AHI1: variants seen among roughly 807,000 people sequenced by gnomAD.
AHI1 encodes the protein jouberin.
A neutral mutation model predicts 149.3 loss-of-function variants in AHI1; 123 were observed. That is an observed-to-expected ratio of 0.82 (90% CI 0.71 to 0.96). The LOEUF is 0.96. Among genes scored for constraint, AHI1 ranks in the 40% least tolerant of loss-of-function variants. The probability of loss-of-function intolerance (pLI) is 0.00; values close to 1 mark genes in which losing one functional copy is unlikely to be tolerated. For missense variants in AHI1, 1,439 were observed against 1,422.7 expected (o/e 1.01, Z -0.18); for synonymous variants, 475 against 459.8 (o/e 1.03, Z -0.42).
chr6:135,401,626 T>C (rs1028536331), intron 22 of AHI1, among the ~76,000 whole-genome samples: 2 of 152,222 alleles, frequency 1.3e-5, no homozygotes, highest in African/African-American at 2.4e-5. Flanking sequence ...CTGAGACAAC[T>C]GGATAGCCTC....
chr6:135,352,745 T>TAC (rs1458162087), intron 24 of AHI1, among the ~76,000 whole-genome samples: 7 of 148,446 alleles, frequency 4.7e-5, no homozygotes, highest in African/African-American at 1.7e-4. Flanking sequence ...ACAATATATA[T>TAC]ACACACACAT....
chr6:135,497,402 G>T (rs1014006100), intron 1 of AHI1, among the ~76,000 whole-genome samples, 153 bp from the exon 2 acceptor site: 4 of 152,292 alleles, frequency 2.6e-5, no homozygotes, highest in Admixed American at 2.6e-4. Context: ...GCAAAAGTAC[G>T]GTGAGGACTC....
At chr6:135,388,092 T>C in intron 23 of AHI1, 1 of 1,577,760 alleles carries the variant, frequency 6.3e-7, no homozygotes, top group Non-Finnish European at 8.7e-7. Context: ...TGATTCTTTT[T>C]AGTACCATAA....
Position 135,492,870 on chromosome 6 carries a change from A to G in AHI1, c.-54-579T>C, listed in dbSNP as rs997187984. ...CATGGTTCAACTCAGTATGTATATT[A>G]CTAAATTGCCCATTTTATTAAAAAA... On this transcript the variant is annotated intron_variant, in intron 3 of 28. Coordinates refer to ENST00000265602, the MANE Select transcript of AHI1 (RefSeq NM_001134831.2). The G allele has an allele frequency of 3.0e-5, 30 of 985,174 alleles. No individual in the cohort carries two copies. In the African/African-American group the frequency reaches 5.2e-4, roughly 17 times the overall value. 61.0% of individuals were successfully genotyped at this position (985,174 alleles called of 1,614,324 possible).
intron 5 of AHI1, among the ~76,000 whole-genome samples, chr6:135,481,571 C>A (rs531425388): frequency 3.4e-4 from 51 of 151,926 alleles, no homozygotes; most frequent in Non-Finnish European, 4.3e-4. Flanking sequence ...ATTAAAAAAA[C>A]CTAATTATTC....
intron 14 of AHI1, among the ~76,000 whole-genome samples, chr6:135,439,172 T>C (rs1314325454): frequency 1.3e-5 from 2 of 152,226 alleles, no homozygotes; most frequent in Non-Finnish European, 2.9e-5. Flanking sequence ...CCCCCTTATG[T>C]GCAGTTTCAC....
intron 5 of AHI1, among the ~76,000 whole-genome samples, chr6:135,471,884 C>T (rs1791764775): frequency 1.3e-5 from 2 of 151,552 alleles, no homozygotes; most frequent in Admixed American, 6.6e-5. Context: ...CGGTGGCGGG[C>T]ACCTGTAGTC....
At chr6:135,411,595 C>G in intron 20 of AHI1, 51 bp from the exon 21 acceptor site, 1 of 1,442,954 alleles carries the variant, frequency 6.9e-7, no homozygotes, top group Admixed American at 2.3e-5. Context: ...AAAGCATAAT[C>G]AAGCCCTAAA....
chr6:135,345,148 A>T (rs1250358490), intron 24 of AHI1, among the ~76,000 whole-genome samples: 1 of 152,212 alleles, frequency 6.6e-6, no homozygotes, highest in Non-Finnish European at 1.5e-5. Context: ...CTTCCTATCC[A>T]CTAGGACAGC....
intron 28 of AHI1, among the ~76,000 whole-genome samples, chr6:135,288,661 C>T (rs559970680): frequency 6.6e-6 from 1 of 151,720 alleles, no homozygotes; most frequent in South Asian, 2.1e-4. Context: ...GATGAATAAC[C>T]ATATGATATT....
intron 22 of AHI1, among the ~76,000 whole-genome samples, chr6:135,403,962 C>T (rs764407175): frequency 1.3e-5 from 2 of 151,266 alleles, no homozygotes; most frequent in African/African-American, 2.4e-5. Context: ...ATCAGGAAAG[C>T]GACAATAGCC....
chr6:135,474,324 A>G (rs898630754), intron 5 of AHI1, among the ~76,000 whole-genome samples: 10 of 152,182 alleles, frequency 6.6e-5, no homozygotes, highest in Middle Eastern at 3.2e-3. Flanking sequence ...ATGCCTGTAA[A>G]AATTGCATTA....
At chr6:135,329,885 C>G (rs1274574029) in intron 24 of AHI1, among the ~76,000 whole-genome samples, 1 of 152,138 alleles carries the variant, frequency 6.6e-6, no homozygotes, top group Non-Finnish European at 1.5e-5. Flanking sequence ...ATGGATGACT[C>G]TGAGGGTTTT....
At chr6:135,490,164 G>A in intron 5 of AHI1, 1 of 720,312 alleles carries the variant, frequency 1.4e-6, no homozygotes, top group South Asian at 1.5e-5. Context: ...TCTATCATTT[G>A]AAAGTGTGCC....
At chr6:135,298,000 G>A (rs1783353150) in intron 27 of AHI1, among the ~76,000 whole-genome samples, 1 of 151,946 alleles carries the variant, frequency 6.6e-6, no homozygotes, top group African/African-American at 2.4e-5. Context: ...TCTGAACAAA[G>A]CTGTTAATGA....
chr6:135,443,517 G>A (rs145259681), intron 13 of AHI1, among the ~76,000 whole-genome samples: 2 of 152,278 alleles, frequency 1.3e-5, no homozygotes, highest in African/African-American at 2.4e-5. Flanking sequence ...CACCCTATGA[G>A]TAGCTATTAC....
At chr6:135,434,212 T>C (rs1785057784) in intron 15 of AHI1, among the ~76,000 whole-genome samples, 1 of 151,972 alleles carries the variant, frequency 6.6e-6, no homozygotes, top group South Asian at 2.1e-4. Context: ...AAAAACAGTT[T>C]CTATTCAAGA....
At chr6:135,406,294 T>C (rs1780787257) in intron 21 of AHI1, among the ~76,000 whole-genome samples, 1 of 152,180 alleles carries the variant, frequency 6.6e-6, no homozygotes, top group African/African-American at 2.4e-5. Flanking sequence ...ATCTATAAAT[T>C]TCTAAGAGCC....
At chr6:135,384,963 C>T (rs1444499696) in intron 23 of AHI1, among the ~76,000 whole-genome samples, 3 of 152,080 alleles carry the variant, frequency 2.0e-5, no homozygotes, top group South Asian at 2.1e-4. Context: ...GTGGCAGGTA[C>T]TTGTAGTACC....
Sources: gnomAD v4.1 joint callset for allele counts (sites outside exome capture counted in the v4.1 genomes callset) on GRCh38, gnomAD v4.1.1 for gene constraint, MANE v1.5 for transcripts, NCBI Gene and HGNC (gene_info 2026-07-23, HGNC 2026-07-21) for gene names.